Variants in MTCH2 observed in about 807,000 individuals in gnomAD.
MTCH2 encodes mitochondrial carrier homolog 2.
In MTCH2, 25 loss-of-function variants were observed where a neutral mutation model predicts 50.6. The observed-to-expected ratio is 0.49, with a 90% confidence interval of 0.36 to 0.69. The LOEUF (loss-of-function observed/expected upper bound fraction) is 0.69, where lower values mean the gene tolerates loss of function less well. Ranked by LOEUF, MTCH2 falls within the 30% of genes least tolerant of loss-of-function variation. The pLI is 0.00. For synonymous variants in MTCH2, 106 were observed against 132.0 expected (o/e 0.80, Z 1.35); for missense variants, 273 against 384.4 (o/e 0.71, Z 2.42).
chr11:47,640,084 T>C (rs2097312608), intron 1 of MTCH2, among the ~76,000 whole-genome samples: 1 of 151,926 alleles, frequency 6.6e-6, no homozygotes, highest in African/African-American at 2.4e-5. Flanking sequence ...ATCCCAGCAC[T>C]TTGGGAGGCC....
chr11:47,629,294 T>C, intron 8 of MTCH2: 1 of 454,720 alleles, frequency 2.2e-6, no homozygotes, highest in Non-Finnish European at 4.1e-6. Context: ...CCTCAGTGGC[T>C]CACCTTACTA....
intron 5 of MTCH2, among the ~76,000 whole-genome samples, chr11:47,633,406 G>A (rs1304412706): frequency 1.4e-5 from 2 of 148,018 alleles, no homozygotes; most frequent in South Asian, 2.1e-4. Context: ...CACCACGCCC[G>A]GCCGTATCCC....
intron 3 of MTCH2, among the ~76,000 whole-genome samples, chr11:47,635,979 T>C (rs2097308185): frequency 6.6e-6 from 1 of 151,834 alleles, no homozygotes; most frequent in Non-Finnish European, 1.5e-5. Context: ...AATACAAAAA[T>C]TAGCGGAGCA....
At chr11:47,612,636 T>C (rs1372421547), downstream of MTCH2, among the ~76,000 whole-genome samples, 1 of 150,686 alleles carries the variant, frequency 6.6e-6, no homozygotes, top group Non-Finnish European at 1.5e-5. Context: ...GGTGGGAGAA[T>C]CATCTGAGCT....
At chr11:47,637,363 C>T (rs1014092900) in intron 3 of MTCH2, among the ~76,000 whole-genome samples, 5 of 152,148 alleles carry the variant, frequency 3.3e-5, no homozygotes, top group East Asian at 1.9e-4. Flanking sequence ...TCATGGAAAA[C>T]GCATGACCAA....
At chr11:47,619,105 CTTA>C (rs2097290866) in intron 12 of MTCH2, among the ~76,000 whole-genome samples, 186 bp from the exon 13 acceptor site, 1 of 152,200 alleles carries the variant, frequency 6.6e-6, no homozygotes, top group African/African-American at 2.4e-5. Context: ...ACAATTTCTC[CTTA>C]TTAAGTTCTT....
At chr11:47,633,527 T>TATATATATATATATATATATATA (rs59398950) in intron 5 of MTCH2, among the ~76,000 whole-genome samples, 17 of 18,968 alleles carry the variant, frequency 9.0e-4, no homozygotes, top group South Asian at 2.2e-3. Flanking sequence ...TATATATATA[T>TATATATATATATATATATATATA]TTTTTTTTTT....
downstream of MTCH2, among the ~76,000 whole-genome samples, chr11:47,614,476 CT>C (rs1226073330): frequency 4.6e-5 from 7 of 151,290 alleles, no homozygotes; most frequent in Non-Finnish European, 1.0e-4. Flanking sequence ...TTTCTTTTTT[CT>C]TTTTTTTTGA....
At position 47,618,449 on chromosome 11, in the gene MTCH2, G is replaced by C. The variant is rs777182491; in HGVS notation, c.*384C>G. The C allele has an allele frequency of 1.9e-4, 49 of 254,146 alleles. No homozygotes were observed. The highest frequency in any genetic ancestry group is 3.4e-4 in the Non-Finnish European group (45 of 132,096). The allele number at this position is 254,146 out of a possible 1,614,324, so 15.7% of individuals were successfully genotyped here. On this transcript the variant is annotated 3_prime_UTR_variant, in exon 13 of 13. Transcript: ENST00000302503. ...AACCTCCCATATAGTTTAATTTAGT[G>C]ATTTTGTTAAGTTTTACAAAATTAT... is the stretch of plus-strand genomic sequence containing the variant.
chr11:47,616,655 A>G (rs144564121), downstream of MTCH2, among the ~76,000 whole-genome samples: 1 of 146,638 alleles, frequency 6.8e-6, no homozygotes, highest in Non-Finnish European at 1.5e-5. Context: ...TGAGTTCATT[A>G]TTTCTTGCAT....
Position 47,617,980 on chromosome 11 carries a change from T to A in MTCH2, c.*853A>T, listed in dbSNP as rs1435922262. The stretch of plus-strand genomic sequence containing the variant: ...ATTATATATAATTAGAACTGTATGG[T>A]GTAATTTAAGCACTGGCAAATACTT... On this transcript the variant is annotated 3_prime_UTR_variant, in exon 13 of 13. Coordinates refer to ENST00000302503, the MANE Select transcript of MTCH2 (RefSeq NM_014342.4). The A allele has an allele frequency of 2.6e-5, 4 of 152,194 alleles. No individual in the cohort carries two copies. Among genetic ancestry groups the A allele is most frequent in the African/African-American group, 9.6e-5 (4 of 41,456 alleles). The allele number at this position is 152,194 out of a possible 1,614,324, so 9.4% of individuals were successfully genotyped here.
At chr11:47,605,698 A>C in the MTCH2 span, among the ~76,000 whole-genome samples, 2 of 152,316 alleles carry the variant, frequency 1.3e-5, no homozygotes, top group African/African-American at 4.8e-5. Context: ...CAGCAGTTAC[A>C]TGAATCCACC....
At chr11:47,634,911 T>C (rs1413795728) in intron 4 of MTCH2, among the ~76,000 whole-genome samples, 177 bp from the exon 5 acceptor site, 1 of 151,890 alleles carries the variant, frequency 6.6e-6, no homozygotes, top group Non-Finnish European at 1.5e-5. Context: ...TAGCTAGGAT[T>C]ACAGGTGCTC....
the MTCH2 span, among the ~76,000 whole-genome samples, chr11:47,607,538 C>T: frequency 8.5e-5 from 13 of 152,298 alleles, no homozygotes; most frequent in African/African-American, 3.1e-4. Flanking sequence ...GGGCCTGTGA[C>T]TCAGGCCTGG....
At chr11:47,613,401 T>A (rs116051305), downstream of MTCH2, among the ~76,000 whole-genome samples, 1,988 of 152,166 alleles carry the variant, frequency 0.013, 44 homozygotes, top group African/African-American at 0.045. Context: ...CCATGCCACC[T>A]TGGGAGGCAG....
chr11:47,638,549 A>C lies in MTCH2; in HGVS notation c.279+150T>G. 5 of 537,110 alleles carry C rather than the reference A, an allele frequency of 9.3e-6. No individual in the cohort carries two copies. The East Asian group carries it at 1.9e-4, about 20-fold the overall frequency. 33.3% of individuals were successfully genotyped at this position (537,110 alleles called of 1,614,324 possible). On this transcript the variant is annotated intron_variant, in intron 3 of 12. Transcript: ENST00000302503. ...CGACAGAGTGAGACTCCATCTCAAA[A>C]AAAAAAAAAAAAAAAAAGAAAGTGT...
chr11:47,611,261 A>C, the MTCH2 span, among the ~76,000 whole-genome samples: 2 of 152,238 alleles, frequency 1.3e-5, no homozygotes, highest in Non-Finnish European at 2.9e-5. Context: ...TGAGCCCCTC[A>C]GGGGGAGGAA....
At chr11:47,631,236 C>T in intron 6 of MTCH2, 149 bp from the exon 7 acceptor site, 1 of 598,818 alleles carries the variant, frequency 1.7e-6, no homozygotes, top group Non-Finnish European at 2.9e-6. Context: ...TGATGAAGCC[C>T]CATCTCTACT....
intron 3 of MTCH2, 21 bp downstream of exon 3, chr11:47,638,678 T>C (rs369505072): frequency 8.7e-6 from 11 of 1,270,178 alleles, no homozygotes; most frequent in Non-Finnish European, 9.1e-6. Flanking sequence ...TATGGGAAGA[T>C]TGATTTAATT....
Sources: gnomAD v4.1 joint callset for allele counts (sites outside exome capture counted in the v4.1 genomes callset) on GRCh38, gnomAD v4.1.1 for gene constraint, MANE v1.5 for transcripts, NCBI Gene and HGNC (gene_info 2026-07-23, HGNC 2026-07-21) for gene names.